PPARG: variants seen among roughly 807,000 people sequenced by gnomAD.
The protein encoded by PPARG is peroxisome proliferator activated receptor gamma.
Under a neutral mutation model 39.2 loss-of-function variants are expected in PPARG, and 17 were observed. That is an observed-to-expected ratio of 0.43 (90% CI 0.30 to 0.65). PPARG has a LOEUF of 0.65. PPARG is among the 30% of genes least tolerant of loss of function. PPARG has a pLI of 0.13. For synonymous variants in PPARG, 223 were observed against 215.7 expected (o/e 1.03, Z -0.30); for missense variants, 406 against 585.9 (o/e 0.69, Z 3.17).
upstream of PPARG, chr3:12,287,728 G>T (rs1389228805): frequency 6.6e-6 from 1 of 150,992 alleles, no homozygotes; most frequent in Non-Finnish European, 1.5e-5. Context: ...GGCTCCCGCC[G>T]TGGGCCCTAC....
At chr3:12,305,088 C>T (rs1302690614) in intron 1 of PPARG, among the ~76,000 whole-genome samples, 1 of 151,904 alleles carries the variant, frequency 6.6e-6, no homozygotes, top group African/African-American at 2.4e-5. Context: ...CTTGTTCCCT[C>T]TACCCTTCTC....
At chr3:12,364,817 A>G (rs375981243) in intron 2 of PPARG, among the ~76,000 whole-genome samples, 1 of 152,238 alleles carries the variant, frequency 6.6e-6, no homozygotes, top group Admixed American at 6.5e-5. Flanking sequence ...ACATGTTCAC[A>G]TGCCATCTAT....
chr3:12,326,733 A>AT (rs60916853), intron 2 of PPARG, among the ~76,000 whole-genome samples: 3,272 of 60,354 alleles, frequency 0.054, 91 homozygotes, highest in African/African-American at 0.28. Context: ...TGAGATATAT[A>AT]AAAAAAAAAA....
At chr3:12,329,438 A>G (rs913369182) in intron 2 of PPARG, among the ~76,000 whole-genome samples, 2 of 152,214 alleles carry the variant, frequency 1.3e-5, no homozygotes, top group African/African-American at 2.4e-5. Context: ...GACCGCTATA[A>G]TTCTAAAAAA....
intron 7 of PPARG, among the ~76,000 whole-genome samples, chr3:12,425,666 T>C (rs185050192): frequency 3.2e-4 from 48 of 152,266 alleles, no homozygotes; most frequent in African/African-American, 1.1e-3. Flanking sequence ...GTCAGATTCC[T>C]TCTTGGACAG....
At chr3:12,295,901 TGACTG>T (rs1460754028) in intron 1 of PPARG, among the ~76,000 whole-genome samples, 1 of 152,178 alleles carries the variant, frequency 6.6e-6, no homozygotes, top group Non-Finnish European at 1.5e-5. Flanking sequence ...AGGCAGGTAC[TGACTG>T]AATTCTATTC....
In PPARG at chr3:12,298,521, G is replaced by A. The variant is rs184991241; in HGVS notation, c.-83+9387G>A. Among the ~76,000 whole-genome samples, 553 of 151,954 alleles carry A rather than the reference G, an allele frequency of 3.6e-3. 3 individuals carry two copies. Among genetic ancestry groups the A allele is most frequent in the Middle Eastern group, 0.014 (4 of 294 alleles). On this transcript the variant is annotated intron_variant, in intron 1 of 7. Coordinates refer to ENST00000651735, the MANE Select transcript of PPARG (RefSeq NM_138711.6). ...GTTAAGTGGTTTTGCCTTTGACAGC[G>A]GTTACAGATTACATTTTTCTTGTCA...
chr3:12,306,932 A>G (rs1249604655), intron 1 of PPARG, among the ~76,000 whole-genome samples: 1 of 151,988 alleles, frequency 6.6e-6, no homozygotes, highest in Admixed American at 6.6e-5. Flanking sequence ...CCCCATCTCT[A>G]CTAAAAATAC....
chr3:12,413,484 C>T (rs1316566660), intron 6 of PPARG, among the ~76,000 whole-genome samples: 1 of 152,072 alleles, frequency 6.6e-6, no homozygotes, highest in Non-Finnish European at 1.5e-5. Flanking sequence ...TGCTAGTTCA[C>T]CTCTTCTTCA....
At chr3:12,395,621 G>C (rs2050230458) in intron 5 of PPARG, among the ~76,000 whole-genome samples, 3 of 152,152 alleles carry the variant, frequency 2.0e-5, no homozygotes, top group Admixed American at 2.0e-4. Context: ...TTTCAGCATT[G>C]GGTAGAAAAA....
chr3:12,350,704 A>G (rs991620623), intron 2 of PPARG, among the ~76,000 whole-genome samples: 3 of 152,102 alleles, frequency 2.0e-5, no homozygotes, highest in African/African-American at 7.2e-5. Context: ...GCGTAAGTCT[A>G]TTTTTTTCTG....
At chr3:12,379,162 A>C (rs1349756268) in intron 2 of PPARG, among the ~76,000 whole-genome samples, 1 of 151,614 alleles carries the variant, frequency 6.6e-6, no homozygotes, top group Non-Finnish European at 1.5e-5. Context: ...GTGCTACCAC[A>C]CCCGGCCAAT....
chr3:12,287,826 C>T (rs1311328381), upstream of PPARG: 4 of 135,862 alleles, frequency 2.9e-5, no homozygotes, highest in Admixed American at 1.4e-4. Flanking sequence ...GCCCCCACCC[C>T]CACCCCCACC....
chr3:12,361,421 AG>A (rs1213051005), intron 2 of PPARG, among the ~76,000 whole-genome samples: 3 of 152,210 alleles, frequency 2.0e-5, no homozygotes, highest in African/African-American at 7.2e-5. Flanking sequence ...TTTGGAAGAA[AG>A]CTTTGCCTAC....
chr3:12,292,331 A>C (rs1038254422), intron 1 of PPARG, among the ~76,000 whole-genome samples: 2 of 152,176 alleles, frequency 1.3e-5, no homozygotes, highest in Non-Finnish European at 2.9e-5. Flanking sequence ...ATAAAGCTCT[A>C]GTCTTTGCAT....
In PPARG at chr3:12,405,908, G is replaced by T; in HGVS notation, c.556G>T (p.Ala186Ser). The change falls in exon 6 of 8, where the codon GCC becomes TCC. Residue 186 changes from alanine to serine, a missense_variant. By Grantham distance (99) the Ala-to-Ser change is moderately conservative. This residue lies in a region of PPARG where 275 missense variants were observed against 458.0 expected (regional missense o/e 0.60). Transcript: ENST00000651735. ...NAIRFGRMPQ[A>S]EKEKLLAEIS... ...CATCAGGTTTGGGCGGATGCCACAGGCCGAGAAGGAGAAGCTGTTGGCGGA... is the reference window on the plus strand; with the variant it reads ...CATCAGGTTTGGGCGGATGCCACAGTCCGAGAAGGAGAAGCTGTTGGCGGA... 1 of 1,614,136 alleles carries T rather than the reference G, an allele frequency of 6.2e-7. No individual in the cohort carries two copies. The highest frequency in any genetic ancestry group is 8.5e-7 in the Non-Finnish European group (1 of 1,180,008).
intron 3 of PPARG, 128 bp from the exon 4 acceptor site, chr3:12,381,194 G>T: frequency 1.0e-6 from 1 of 955,238 alleles, no homozygotes; most frequent in Non-Finnish European, 1.6e-6. Flanking sequence ...GTTTTTTCAT[G>T]TTCCACTGTG....
chr3:12,351,539 A>G, intron 2 of PPARG: 1 of 1,336,860 alleles, frequency 7.5e-7, no homozygotes, highest in Non-Finnish European at 1.1e-6. Context: ...ATCTTTTGCT[A>G]GATAGAGACA....
chr3:12,357,198 G>T (rs1486984461), intron 2 of PPARG, among the ~76,000 whole-genome samples: 1 of 151,860 alleles, frequency 6.6e-6, no homozygotes, highest in Non-Finnish European at 1.5e-5. Flanking sequence ...CCATAGCCCT[G>T]CAGTGGTTCC....
Sources: allele counts gnomAD v4.1 joint callset (sites outside exome capture counted in the v4.1 genomes callset), GRCh38; gene constraint gnomAD v4.1.1; regional missense constraint gnomAD v4.1.1; transcripts MANE v1.5; gene names NCBI Gene and HGNC (gene_info 2026-07-23, HGNC 2026-07-21).